Variants in PAK5 observed in about 807,000 individuals in gnomAD.
PAK5 encodes p21 (RAC1) activated kinase 5, also known as serine/threonine-protein kinase PAK 5.
PAK5 carries 16 observed loss-of-function variants against 65.9 expected under a neutral mutation model. The observed-to-expected ratio is 0.24, with a 90% CI of 0.16 to 0.37. The LOEUF is 0.37. Among genes scored for constraint, PAK5 ranks in the 10% least tolerant of loss-of-function variants. The pLI is 1.00. For missense variants in PAK5, 785 were observed against 903.9 expected, an observed-to-expected ratio of 0.87 and a Z score of 1.69; for synonymous variants, 371 against 354.9, an observed-to-expected ratio of 1.05 and a Z score of -0.51.
intron 1 of PAK5, among the ~76,000 whole-genome samples, chr20:9,715,454 T>C (rs1337789359): frequency 1.3e-5 from 2 of 152,178 alleles, no homozygotes; most frequent in Non-Finnish European, 2.9e-5. Context: ...GGTGGGACTG[T>C]AAACTAGTGC....
At chr20:9,740,301 G>T (rs116879985) in intron 1 of PAK5, among the ~76,000 whole-genome samples, 3,474 of 152,230 alleles carry the variant, frequency 0.023, 52 homozygotes, top group Middle Eastern at 0.044. Context: ...GGGGAGTGGG[G>T]CATGTCTAAG....
At chr20:9,723,071 T>A (rs1464636301) in intron 1 of PAK5, among the ~76,000 whole-genome samples, 1 of 152,120 alleles carries the variant, frequency 6.6e-6, no homozygotes, top group Non-Finnish European at 1.5e-5. Flanking sequence ...TAAAGTCCAA[T>A]AAAACGAGGA....
chr20:9,724,329 C>T (rs1195589954), intron 1 of PAK5, among the ~76,000 whole-genome samples: 1 of 152,120 alleles, frequency 6.6e-6, no homozygotes, highest in Admixed American at 6.5e-5. Context: ...AATTGCCAAC[C>T]TTCAGCTACT....
At chr20:9,702,532 A>C (rs2223565) in intron 2 of PAK5, among the ~76,000 whole-genome samples, 46,908 of 152,002 alleles carry the variant, frequency 0.31, 7,591 homozygotes, top group African/African-American at 0.4. Flanking sequence ...TTAAAAACGG[A>C]ATAAACATGA....
intron 2 of PAK5, among the ~76,000 whole-genome samples, chr20:9,670,407 A>G (rs1201882677): frequency 1.3e-5 from 2 of 152,064 alleles, no homozygotes; most frequent in African/African-American, 4.8e-5. Context: ...AAGTGTTCCT[A>G]TTTCTCCACA....
At chr20:9,789,190 C>G (rs1208030232) in intron 1 of PAK5, among the ~76,000 whole-genome samples, 1 of 152,194 alleles carries the variant, frequency 6.6e-6, no homozygotes. Flanking sequence ...TGTAAGATCT[C>G]TAATTGGTGG....
intron 1 of PAK5, among the ~76,000 whole-genome samples, chr20:9,801,513 A>G (rs1260863473): frequency 6.6e-6 from 1 of 150,840 alleles, no homozygotes; most frequent in Non-Finnish European, 1.5e-5. Flanking sequence ...TATTATAGAT[A>G]TACACACACA....
intron 2 of PAK5, among the ~76,000 whole-genome samples, chr20:9,660,520 A>T (rs2047330527): frequency 6.6e-6 from 1 of 151,934 alleles, no homozygotes. Context: ...GTAAATAGGA[A>T]AATTACGTAG....
chr20:9,768,296 C>T (rs1041667694), intron 1 of PAK5, among the ~76,000 whole-genome samples: 1 of 151,662 alleles, frequency 6.6e-6, no homozygotes. Flanking sequence ...AGCTAAACAT[C>T]GAGCACACAT....
intron 2 of PAK5, among the ~76,000 whole-genome samples, chr20:9,659,232 T>G (rs1015950176): frequency 1.3e-5 from 2 of 152,340 alleles, no homozygotes; most frequent in Admixed American, 1.3e-4. Flanking sequence ...CAGAGCCTGC[T>G]TTCTTTCCTT....
At chr20:9,786,041 C>G (rs2048989511) in intron 1 of PAK5, among the ~76,000 whole-genome samples, 1 of 152,122 alleles carries the variant, frequency 6.6e-6, no homozygotes, top group Admixed American at 6.6e-5. Flanking sequence ...AGCCTTTGTC[C>G]TGATGCTTGT....
intron 5 of PAK5, among the ~76,000 whole-genome samples, chr20:9,564,127 G>A (rs2045635182): frequency 6.6e-6 from 1 of 152,114 alleles, no homozygotes; most frequent in East Asian, 1.9e-4. Context: ...GATATTTTAG[G>A]ACTTAGATCT....
At chr20:9,728,031 CA>C (rs2048295553) in intron 1 of PAK5, among the ~76,000 whole-genome samples, 1 of 151,138 alleles carries the variant, frequency 6.6e-6, no homozygotes, top group South Asian at 2.1e-4. Flanking sequence ...TGTGTCCCCC[CA>C]AAAATTTATA....
chr20:9,627,986 A>AT (rs1196709299), intron 3 of PAK5, among the ~76,000 whole-genome samples: 1 of 152,246 alleles, frequency 6.6e-6, no homozygotes, highest in Non-Finnish European at 1.5e-5. Flanking sequence ...AGAGAGTTAC[A>AT]TATAAATTAT....
At chr20:9,705,344 C>A (rs2047992792) in intron 2 of PAK5, among the ~76,000 whole-genome samples, 1 of 151,942 alleles carries the variant, frequency 6.6e-6, no homozygotes, top group South Asian at 2.1e-4. Flanking sequence ...CATTAGTAAC[C>A]AGGGAAAATC....
intron 3 of PAK5, among the ~76,000 whole-genome samples, chr20:9,642,286 T>G (rs959128545): frequency 1.3e-5 from 2 of 152,358 alleles, no homozygotes; most frequent in South Asian, 4.1e-4. Context: ...TGTGAAAGTG[T>G]TCCTATTTCT....
chr20:9,646,646 G>A (rs2047138595), intron 2 of PAK5, among the ~76,000 whole-genome samples: 1 of 152,198 alleles, frequency 6.6e-6, no homozygotes, highest in Non-Finnish European at 1.5e-5. Context: ...TGCCTTCAAG[G>A]AGGACTCTCC....
chr20:9,822,425 G>A (rs566836602), intron 1 of PAK5, among the ~76,000 whole-genome samples: 23 of 152,084 alleles, frequency 1.5e-4, no homozygotes, highest in East Asian at 1.4e-3. Context: ...CATTAGATGC[G>A]TTTATAATAA....
Position 9,537,870 on chromosome 20 carries a change from C to T in PAK5, c.*1592G>A, listed in dbSNP as rs2045195539. ...CTAATCAGTAGAAGGTCATTTTATG[C>T]CTTTTTTCCTTTTTAGCAGTGATAA... On this transcript the variant is annotated 3_prime_UTR_variant, in exon 10 of 10. Coordinates refer to ENST00000353224, the MANE Select transcript of PAK5 (RefSeq NM_177990.4). 1.3e-5 allele frequency: 3 copies of T among 227,938 alleles called. No homozygotes were observed. Among genetic ancestry groups the T allele is most frequent in the African/African-American group, 6.7e-5 (3 of 45,104 alleles). The allele number at this position is 227,938 out of a possible 1,614,324, so 14.1% of individuals were successfully genotyped here.
Sources: allele counts gnomAD v4.1 joint callset (sites outside exome capture counted in the v4.1 genomes callset), GRCh38; gene constraint gnomAD v4.1.1; transcripts MANE v1.5; gene names NCBI Gene and HGNC (gene_info 2026-07-23, HGNC 2026-07-21).